TRPM5: variants seen among roughly 807,000 people sequenced by gnomAD.
The protein encoded by TRPM5 is transient receptor potential cation channel subfamily M member 5, also known as MLSN1 and TRP-related.
TRPM5 carries 121 observed loss-of-function variants against 124.9 expected under a neutral mutation model. That is an observed-to-expected ratio of 0.97 (90% CI 0.84 to 1.13). TRPM5 has a LOEUF of 1.13. TRPM5 is among the 50% of genes most tolerant of loss of function. The pLI, the probability that TRPM5 is intolerant of heterozygous loss-of-function variation, is 0.00. For missense variants in TRPM5, 1,643 were observed against 1,589.1 expected (o/e 1.03, Z -0.58); for synonymous variants, 781 against 700.5 (o/e 1.11, Z -1.81).
the TRPM5 span, among the ~76,000 whole-genome samples, chr11:2,438,018 TGCAAGGTTGG>T: frequency 6.6e-6 from 1 of 152,194 alleles, no homozygotes; most frequent in East Asian, 1.9e-4. This position sits in a 1 kb window ranked among gnomAD's most constrained non-coding sequence, Gnocchi z 5.9. Flanking sequence ...ATTCCTGGGA[TGCAAGGTTGG>T]TTCAACATAT....
exon 5 of TRPM5, chr11:2,418,549 T>C (rs1429084372): frequency 1.2e-6 from 2 of 1,611,682 alleles, no homozygotes; most frequent in Non-Finnish European, 8.5e-7. Flanking sequence ...GGGATCACCA[T>C]TGACCAGCAA....
the TRPM5 span, among the ~76,000 whole-genome samples, chr11:2,434,247 T>G: frequency 6.6e-6 from 1 of 151,360 alleles, no homozygotes; most frequent in Non-Finnish European, 1.5e-5. Context: ...TGTGTGTGCG[T>G]GGACACTGTG....
rs760616993 is a variant in TRPM5, at chr11:2,411,756, G to T, written c.2486C>A (p.Ser829Ter). 9 of 1,612,486 alleles carry T rather than the reference G, an allele frequency of 5.6e-6. No individual in the cohort carries two copies. The highest frequency in any genetic ancestry group is 1.3e-5 in the African/African-American group (1 of 74,910). ...GACTGTGCGGCCAGCCTCAAACGCC[G>T]ACGGCAGCATCCTGGAGGATGGGAG... The change falls in exon 17 of 24, where the codon TCG becomes TAG. Residue 829 changes from serine to a stop codon, truncating the protein, a stop_gained. Transcript: ENST00000155858. LOFTEE classifies it high-confidence loss of function.
chr11:2,435,779 G>A, the TRPM5 span, among the ~76,000 whole-genome samples: 1 of 152,018 alleles, frequency 6.6e-6, no homozygotes, highest in Non-Finnish European at 1.5e-5. This position sits in a 1 kb window ranked among gnomAD's most constrained non-coding sequence, Gnocchi z 4.1. Flanking sequence ...CCATCCATCT[G>A]TCCATCTCTC....
At chr11:2,417,995 G>T (rs1351639833) in intron 6 of TRPM5, among the ~76,000 whole-genome samples, 166 bp from the exon 12 acceptor site, 1 of 151,772 alleles carries the variant, frequency 6.6e-6, no homozygotes, top group African/African-American at 2.4e-5. Flanking sequence ...GCAGACCAAG[G>T]GGCTGCCTGG....
chr11:2,411,190 T>TG (rs1405814819), intron 18 of TRPM5, among the ~76,000 whole-genome samples, 162 bp downstream of exon 23: 1 of 151,816 alleles, frequency 6.6e-6, no homozygotes, highest in Non-Finnish European at 1.5e-5. Flanking sequence ...CTTTGGGGTG[T>TG]GGGGGGCCTG....
intron 18 of TRPM5, 24 bp downstream of exon 23, chr11:2,411,328 T>C: frequency 1.9e-6 from 3 of 1,543,430 alleles, no homozygotes; most frequent in Non-Finnish European, 1.8e-6. Context: ...TCCCTGCCCC[T>C]GCCCCCGCTG....
At chr11:2,443,927 A>C in the TRPM5 span, among the ~76,000 whole-genome samples, 1 of 142,198 alleles carries the variant, frequency 7.0e-6, no homozygotes, top group Non-Finnish European at 1.5e-5. The surrounding 1 kb of genome is among the most constrained non-coding windows in gnomAD (Gnocchi z 5.0). Flanking sequence ...ACCCACCCCC[A>C]CCCAGGGGAA....
rs1219445680 is a variant in TRPM5 at position 2,407,291 on chromosome 11, GAA to G, written c.2944_2945del (p.Phe982ProfsTer51). 2 of 1,609,934 alleles carry G rather than the reference GAA, an allele frequency of 1.2e-6. No homozygotes were observed. Among genetic ancestry groups the G allele is most frequent in the Non-Finnish European group, 1.7e-6 (2 of 1,178,942 alleles). On this transcript the variant is annotated frameshift_variant, in exon 20 of 24. Transcript: ENST00000155858. LOFTEE classifies it high-confidence loss of function. ...TGTCTGCGTTGCCCTGCACCACCTG[GAA>G]CGTGTAGCTGCAGGGGCACAGCTGA...
rs1176424969 is a variant in TRPM5, at chr11:2,410,103, CGCAG to C, written c.2782+1245_2782+1248del. On this transcript the variant is annotated intron_variant, in intron 18 of 23. Coordinates refer to ENST00000155858, the Ensembl canonical transcript of TRPM5. ...CCGTATGGTGAGGGCGAGGTGGGGT[CGCAG>C]GCAGGCAGGGTCTGGTTAAACTAAT... 4.6e-5 allele frequency among the ~76,000 whole-genome samples: 7 copies of C among 152,242 alleles called. No individual in the cohort carries two copies. In the East Asian group the frequency reaches 1.4e-3, roughly 29 times the overall value.
At chr11:2,407,978 C>T (rs112325191) in intron 18 of TRPM5, 66 bp from the exon 24 acceptor site, 2 of 1,576,204 alleles carry the variant, frequency 1.3e-6, no homozygotes, top group Non-Finnish European at 1.7e-6. Context: ...TAGGCAAATG[C>T]CCCGAGATAG....
chr11:2,421,484 T>C (rs1724105935), intron 2 of TRPM5, among the ~76,000 whole-genome samples: 1 of 152,120 alleles, frequency 6.6e-6, no homozygotes, highest in African/African-American at 2.4e-5. Context: ...CCGTGCTCCC[T>C]CCGGGACACA....
At chr11:2,441,950 A>G in the TRPM5 span, among the ~76,000 whole-genome samples, 1 of 152,196 alleles carries the variant, frequency 6.6e-6, no homozygotes, top group South Asian at 2.1e-4. This position sits in a 1 kb window ranked among gnomAD's most constrained non-coding sequence, Gnocchi z 7.2. Context: ...CGGCCTCCCA[A>G]AGTGCTGGGA....
At chr11:2,434,184 G>A in the TRPM5 span, among the ~76,000 whole-genome samples, 2 of 151,148 alleles carry the variant, frequency 1.3e-5, no homozygotes, top group Non-Finnish European at 3.0e-5. Context: ...TGTGTGGACG[G>A]TGTATGTGTG....
chr11:2,415,172 G>A (rs757845737), exon 9 of TRPM5: 51 of 1,583,338 alleles, frequency 3.2e-5, no homozygotes, highest in Admixed American at 5.3e-5. Context: ...CTCGGCAGGC[G>A]TCCTGCAGGA....
chr11:2,418,261 T>C, exon 6 of TRPM5: 3 of 1,582,628 alleles, frequency 1.9e-6, no homozygotes, highest in South Asian at 2.3e-5. Context: ...CACCAGGAGG[T>C]GGGGCTGGTT....
At position 2,411,546 on chromosome 11, in the gene TRPM5, A is replaced by G. The variant is rs780977661; in HGVS notation, c.2608-20T>C. 13 of 1,607,620 alleles carry G rather than the reference A, an allele frequency of 8.1e-6. No individual in the cohort carries two copies. Among genetic ancestry groups the G allele is most frequent in the Non-Finnish European group, 1.0e-5 (12 of 1,176,252 alleles). ...CTTCATCTCCACGGGGCAGGGGCAGAGAGAGGGACGTCAGCGGCCAGCCGG... is the reference window on the plus strand; with the variant it reads ...CTTCATCTCCACGGGGCAGGGGCAGGGAGAGGGACGTCAGCGGCCAGCCGG... On this transcript the variant is annotated intron_variant, in intron 17 of 23. Coordinates refer to ENST00000155858, the Ensembl canonical transcript of TRPM5.
upstream of TRPM5, among the ~76,000 whole-genome samples, chr11:2,425,270 G>A (rs1182148195): frequency 1.3e-5 from 2 of 152,200 alleles, no homozygotes; most frequent in African/African-American, 2.4e-5. Context: ...TCCAGGCATC[G>A]GCAGGGCCGT....
rs1031929086 is a variant in TRPM5 at position 2,406,646 on chromosome 11, G to C, written c.3251+15C>G. ...CAGCCCGATACCCACCAGTGATCAG[G>C]ACAGGCCCCCGCACCTGTGGGCGGT... On this transcript the variant is annotated intron_variant, in intron 21 of 23. Coordinates refer to ENST00000155858, the Ensembl canonical transcript of TRPM5. 1.3e-5 allele frequency: 20 copies of C among 1,599,432 alleles called. No homozygotes were observed. Among genetic ancestry groups the C allele is most frequent in the Non-Finnish European group, 1.7e-5 (20 of 1,172,784 alleles).
Sources: allele counts gnomAD v4.1 joint callset (sites outside exome capture counted in the v4.1 genomes callset), GRCh38; gene constraint gnomAD v4.1.1; non-coding constraint Gnocchi (gnomAD v3.1); transcripts MANE v1.5; gene names NCBI Gene and HGNC (gene_info 2026-07-23, HGNC 2026-07-21).